Variants in FHOD3 observed in about 807,000 individuals in gnomAD.
FHOD3 encodes the protein formin homology 2 domain containing 3.
Under a neutral mutation model 173.0 loss-of-function variants are expected in FHOD3, and 90 were observed. The observed-to-expected ratio is 0.52, with a 90% CI of 0.44 to 0.62. The LOEUF (loss-of-function observed/expected upper bound fraction) is 0.62, where lower values mean the gene tolerates loss of function less well. FHOD3 is among the 20% of genes least tolerant of loss of function. The pLI is 0.00. For missense variants in FHOD3, 1,945 were observed against 2,034.7 expected (o/e 0.96, Z 0.85); for synonymous variants, 828 against 823.0 (o/e 1.01, Z -0.10).
intron 7 of FHOD3, among the ~76,000 whole-genome samples, chr18:36,599,681 G>A (rs868222631): frequency 6.6e-6 from 1 of 152,312 alleles, no homozygotes; most frequent in East Asian, 1.9e-4. Context: ...GAGGGGAGAA[G>A]TATTGAGCAA....
At position 36,747,099 on chromosome 18, in the gene FHOD3, T is replaced by G; in HGVS notation, c.4196T>G (p.Ile1399Arg). ...CTGAAAGACTGTGCAGAGCGAATTA[T>G]AATTTTAAAGATTGTCCATAGAAGG... is the stretch of plus-strand genomic sequence containing the variant. Reference protein sequence around the residue: ...EFLKDCAERIIILKIVHRRII... With the variant: ...EFLKDCAERIRILKIVHRRII... The change falls in exon 24 of 29, where the codon ATA becomes AGA. Residue 1399 changes from isoleucine (I) to arginine (R), a missense_variant. By Grantham distance (97) the Ile-to-Arg change is moderately conservative (BLOSUM62 -3). Transcript: ENST00000590592. 1 of 1,612,930 alleles carries G rather than the reference T, an allele frequency of 6.2e-7. No individual in the cohort carries two copies. Among genetic ancestry groups the G allele is most frequent in the Non-Finnish European group, 8.5e-7 (1 of 1,179,694 alleles).
intron 1 of FHOD3, among the ~76,000 whole-genome samples, chr18:36,320,794 T>A (rs1405313097): frequency 6.6e-6 from 1 of 152,230 alleles, no homozygotes; most frequent in African/African-American, 2.4e-5. Context: ...GTGTTTATTT[T>A]TTTGTTCACT....
At position 36,689,120 on chromosome 18, in the gene FHOD3, A is replaced by G. The variant is rs891155474; in HGVS notation, c.2021+1942A>G. Among the ~76,000 whole-genome samples, 11 of 152,340 alleles carry G rather than the reference A, an allele frequency of 7.2e-5. No homozygotes were observed. In the South Asian group the frequency reaches 1.4e-3, roughly 20 times the overall value. ...TTTCTTGTTAGTTTTCTTCTTGAAT[A>G]ACCTGGTGAAGATGGGAGTTAGGGG... On this transcript the variant is annotated intron_variant, in intron 16 of 28. Coordinates refer to ENST00000590592, the MANE Select transcript of FHOD3 (RefSeq NM_001281740.3).
In FHOD3 at chr18:36,756,562, CAT is replaced by C. The variant is rs916720122; in HGVS notation, c.4425+1252_4425+1253del. 6.6e-5 allele frequency among the ~76,000 whole-genome samples: 10 copies of C among 152,272 alleles called. No homozygotes were observed. In the East Asian group the frequency reaches 9.6e-4, roughly 15 times the overall value. Reference sequence around the variant, plus strand: ...ACTGAAGCCGCCCTATGTGCACAGACATGTGTGTATGTAGTCAGCCAAGCAGA... The same window carrying C: ...ACTGAAGCCGCCCTATGTGCACAGACGTGTGTATGTAGTCAGCCAAGCAGA... On this transcript the variant is annotated intron_variant, in intron 25 of 28. Coordinates refer to ENST00000590592, the MANE Select transcript of FHOD3 (RefSeq NM_001281740.3).
intron 3 of FHOD3, among the ~76,000 whole-genome samples, chr18:36,392,903 G>T (rs2048369751): frequency 6.6e-6 from 1 of 152,228 alleles, no homozygotes; most frequent in Non-Finnish European, 1.5e-5. Context: ...GACTGAGAAA[G>T]TCTCTTGGAA....
chr18:36,621,682 A>G (rs12456823), intron 9 of FHOD3, among the ~76,000 whole-genome samples: 10,023 of 152,286 alleles, frequency 0.066, 496 homozygotes, highest in East Asian at 0.25. Context: ...AGCAAGCCAC[A>G]TTGTTGAGCT....
chr18:36,444,844 A>G (rs1472281727), intron 3 of FHOD3, among the ~76,000 whole-genome samples: 3 of 152,212 alleles, frequency 2.0e-5, no homozygotes, highest in Admixed American at 6.5e-5. Flanking sequence ...CAACTCTCCT[A>G]TGTAATGACA....
chr18:36,534,569 C>T (rs1233838184), intron 5 of FHOD3, among the ~76,000 whole-genome samples: 4 of 151,838 alleles, frequency 2.6e-5, no homozygotes, highest in South Asian at 2.1e-4. Context: ...TGCAGTGTTG[C>T]GATCTCAGCT....
chr18:36,668,453 G>T (rs977033993), intron 14 of FHOD3, among the ~76,000 whole-genome samples: 5 of 149,646 alleles, frequency 3.3e-5, no homozygotes, highest in Non-Finnish European at 4.5e-5. Flanking sequence ...ATTTTTTTTT[G>T]ACCACAAAGA....
chr18:36,370,297 G>T (rs892070543), intron 2 of FHOD3, among the ~76,000 whole-genome samples: 2 of 151,970 alleles, frequency 1.3e-5, no homozygotes, highest in African/African-American at 4.8e-5. Context: ...CAGAGGAATT[G>T]TAAGTGATTA....
intron 5 of FHOD3, among the ~76,000 whole-genome samples, chr18:36,538,998 G>C (rs1476094236): frequency 6.6e-6 from 1 of 152,104 alleles, no homozygotes; most frequent in Non-Finnish European, 1.5e-5. Flanking sequence ...AGAGTACCTG[G>C]GATCTCACCA....
At chr18:36,719,110 A>G (rs2040621413) in intron 19 of FHOD3, among the ~76,000 whole-genome samples, 1 of 152,254 alleles carries the variant, frequency 6.6e-6, no homozygotes, top group Non-Finnish European at 1.5e-5. Context: ...ATTGACTATG[A>G]GTGATAGTAG....
chr18:36,684,039 A>G (rs1349889947), intron 15 of FHOD3, among the ~76,000 whole-genome samples: 2 of 152,240 alleles, frequency 1.3e-5, no homozygotes, highest in Non-Finnish European at 2.9e-5. Flanking sequence ...TCCTGAATGC[A>G]TGTCTGATTT....
chr18:36,557,677 A>G (rs1461938111), intron 5 of FHOD3, among the ~76,000 whole-genome samples: 3 of 152,020 alleles, frequency 2.0e-5, no homozygotes, highest in Non-Finnish European at 4.4e-5. Context: ...ACACACTGTG[A>G]CTTGTACTTA....
chr18:36,443,008 C>G (rs1264453402), intron 3 of FHOD3, among the ~76,000 whole-genome samples: 1 of 152,174 alleles, frequency 6.6e-6, no homozygotes, highest in Admixed American at 6.5e-5. Context: ...TGATTGATTT[C>G]AAGTTATACA....
chr18:36,688,259 T>TA (rs563406975), intron 16 of FHOD3, among the ~76,000 whole-genome samples: 109 of 152,348 alleles, frequency 7.2e-4, no homozygotes, highest in Non-Finnish European at 1.3e-3. Context: ...AGACTGCTTT[T>TA]AACACCTTTT....
At chr18:36,747,963 A>G (rs745896728) in intron 24 of FHOD3, among the ~76,000 whole-genome samples, 5 of 151,798 alleles carry the variant, frequency 3.3e-5, no homozygotes, top group Non-Finnish European at 7.4e-5. Flanking sequence ...CCTTAAGCCT[A>G]TACAGAACTT....
chr18:36,547,793 C>T (rs771989929), intron 5 of FHOD3, among the ~76,000 whole-genome samples: 5 of 152,170 alleles, frequency 3.3e-5, no homozygotes, highest in East Asian at 1.9e-4. Context: ...CTGTGAGGCG[C>T]CTGGGTAGCC....
intron 27 of FHOD3, among the ~76,000 whole-genome samples, chr18:36,764,147 A>G (rs1212894007): frequency 6.6e-6 from 1 of 152,192 alleles, no homozygotes; most frequent in East Asian, 1.9e-4. Context: ...GCTGTCTGTA[A>G]AAGACCTCCA....
Sources: allele counts gnomAD v4.1 joint callset (sites outside exome capture counted in the v4.1 genomes callset), GRCh38; gene constraint gnomAD v4.1.1; transcripts MANE v1.5; gene names NCBI Gene and HGNC (gene_info 2026-07-23, HGNC 2026-07-21).